Variants in SCN1A observed in about 807,000 individuals in gnomAD.
The protein encoded by SCN1A is sodium voltage-gated channel alpha subunit 1, also known as sodium channel protein type 1 subunit alpha.
In SCN1A, 13 loss-of-function variants were observed where a neutral mutation model predicts 193.7. That is an observed-to-expected ratio of 0.07 (90% confidence interval 0.04 to 0.11). The LOEUF (loss-of-function observed/expected upper bound fraction) is 0.11. Among genes scored for constraint, SCN1A ranks in the 10% least tolerant of loss-of-function variants. The pLI is 1.00. For missense variants in SCN1A, 1,432 were observed against 2,451.1 expected, an observed-to-expected ratio of 0.58 and a Z score of 8.78; for synonymous variants, 781 against 843.6, an observed-to-expected ratio of 0.93 and a Z score of 1.29.
Position 166,047,690 on chromosome 2 carries a change from A to G in SCN1A, c.1107T>C (p.Ser369=), listed in dbSNP as rs760220733. 3 of 1,613,738 alleles carry G rather than the reference A, an allele frequency of 1.9e-6. No individual in the cohort carries two copies. Among genetic ancestry groups the G allele is most frequent in the South Asian group, 1.1e-5 (1 of 91,074 alleles). Reference sequence around the variant, plus strand: ...GTCGAAACAAGGACAAAAAAGCCCAACTGAAGGTATCAAAGCTTGTGTAGC... The same window carrying G: ...GTCGAAACAAGGACAAAAAAGCCCAGCTGAAGGTATCAAAGCTTGTGTAGC... The part of the protein sequence containing the change: ...NYGYTSFDTF[S]WAFLSLFRLM... Residue 369 remains serine (S), a synonymous_variant, in exon 11 of 29, where the codon AGT becomes AGC. Coordinates refer to ENST00000674923, the MANE Select transcript of SCN1A (RefSeq NM_001165963.4).
Position 165,992,059 on chromosome 2 carries a change from G to T in SCN1A, c.5216C>A (p.Pro1739His). 1 of 1,613,946 alleles carries T rather than the reference G, an allele frequency of 6.2e-7. No individual in the cohort carries two copies. The highest frequency in any genetic ancestry group is 8.5e-7 in the Non-Finnish European group (1 of 1,179,952). The change falls in exon 29 of 29, where the codon CCC becomes CAC. Residue 1739 changes from proline (P) to histidine (H), a missense_variant. Pro to His is a moderately conservative substitution (Grantham distance 77). Around this residue, in one of 18 missense-constraint regions of SCN1A, gnomAD observed 85 missense variants for 213.2 expected, o/e 0.40. Coordinates refer to ENST00000674923, the MANE Select transcript of SCN1A (RefSeq NM_001165963.4). The surrounding 1 kb of genome is among the most constrained non-coding windows in gnomAD (Gnocchi z 6.5). ...LLAPILNSKP[P>H]DCDPNKVNPG... ...GTTAACTTTATTAGGGTCACAGTCGGGTGGCTTACTGTTGAGAATGGGTGC... is the reference window on the plus strand; with the variant it reads ...GTTAACTTTATTAGGGTCACAGTCGTGTGGCTTACTGTTGAGAATGGGTGC...
At chr2:166,000,479 G>A (rs1690674917) in intron 24 of SCN1A, among the ~76,000 whole-genome samples, 1 of 151,710 alleles carries the variant, frequency 6.6e-6, no homozygotes, top group Admixed American at 6.6e-5. Flanking sequence ...ACAACTTACA[G>A]TAATTTGTTA....
Position 165,987,207 on chromosome 2 carries a change from C to G in SCN1A, c.*4038G>C, listed in dbSNP as rs1001663892. The G allele has an allele frequency of 6.6e-6, 1 of 152,036 alleles. No homozygotes were observed. The highest frequency in any genetic ancestry group is 6.6e-5 in the Admixed American group (1 of 15,250). The allele number at this position is 152,036 out of a possible 1,614,324, so 9.4% of individuals were successfully genotyped here. On this transcript the variant is annotated 3_prime_UTR_variant, in exon 29 of 29. Transcript: ENST00000674923. ...TTAGATTCTGGTTTTAAAATTTTGA[C>G]TGTGTACCAAGAAGTAATGTGGCCC... is the stretch of plus-strand genomic sequence containing the variant.
intron 4 of SCN1A, among the ~76,000 whole-genome samples, chr2:166,070,494 A>T (rs1684301346): frequency 6.6e-6 from 1 of 152,212 alleles, no homozygotes; most frequent in African/African-American, 2.4e-5. Flanking sequence ...AGAACAGAAG[A>T]TGTTAAGAGC....
At chr2:166,081,118 T>TACTTGAGGTATA (rs1451567731) in intron 2 of SCN1A, among the ~76,000 whole-genome samples, 4 of 151,960 alleles carry the variant, frequency 2.6e-5, no homozygotes, top group Non-Finnish European at 2.9e-5. Flanking sequence ...AAGATGTTTA[T>TACTTGAGGTATA]ACTTGAGGTG....
chr2:165,994,633 AAAG>A lies in SCN1A; in HGVS notation c.4582-220_4582-218del, dbSNP rs561540608. Among the ~76,000 whole-genome samples the A allele has an allele frequency of 3.6e-3, 528 of 147,052 alleles. 4 individuals carry two copies. Among genetic ancestry groups the A allele is most frequent in the Middle Eastern group, 0.017 (5 of 290 alleles). On this transcript the variant is annotated intron_variant, in intron 27 of 28. Transcript: ENST00000674923. ...TTCTCAGAATAACAATCCCTTATCCAAAGAAGGTTTCTGATAAAAACAAACAAA... is the reference window on the plus strand; with the variant it reads ...TTCTCAGAATAACAATCCCTTATCCAAAGGTTTCTGATAAAAACAAACAAA...
At chr2:166,003,877 T>TG (rs1218477899) in intron 23 of SCN1A, among the ~76,000 whole-genome samples, 852 of 3,878 alleles carry the variant, frequency 0.22, 6 homozygotes, top group Middle Eastern at 0.5. Context: ...ACTGCCTGTC[T>TG]GAAAAAAAAA....
At chr2:166,116,403 A>C (rs748490406) in intron 2 of SCN1A, among the ~76,000 whole-genome samples, 2 of 152,200 alleles carry the variant, frequency 1.3e-5, no homozygotes, top group Non-Finnish European at 2.9e-5. Flanking sequence ...TACTGAACTA[A>C]ACTGATATGT....
chr2:166,003,407 A>G (rs573270439), intron 23 of SCN1A, among the ~76,000 whole-genome samples: 59 of 151,778 alleles, frequency 3.9e-4, no homozygotes, highest in African/African-American at 1.3e-3. Flanking sequence ...CAAAAAACTT[A>G]TTTCAAATGA....
upstream of SCN1A, among the ~76,000 whole-genome samples, chr2:166,132,587 AG>A (rs966349272): frequency 9.8e-5 from 15 of 152,336 alleles, no homozygotes; most frequent in African/African-American, 3.1e-4. Flanking sequence ...ATTTGCTATT[AG>A]ACAAATAAAT....
At chr2:166,073,073 C>G (rs1302719846) in intron 4 of SCN1A, among the ~76,000 whole-genome samples, 2 of 152,064 alleles carry the variant, frequency 1.3e-5, no homozygotes, top group Admixed American at 6.6e-5. Context: ...CTCTTAACCT[C>G]GTGATCTGCC....
At chr2:166,080,758 C>T (rs1685433032) in intron 2 of SCN1A, among the ~76,000 whole-genome samples, 1 of 151,446 alleles carries the variant, frequency 6.6e-6, no homozygotes, top group African/African-American at 2.4e-5. Context: ...ATAACATGAC[C>T]AATATCAAAT....
intron 2 of SCN1A, among the ~76,000 whole-genome samples, chr2:166,119,309 T>C (rs375271543): frequency 7.2e-5 from 11 of 152,320 alleles, no homozygotes; most frequent in Admixed American, 2.0e-4. Context: ...CAGCATTCCC[T>C]AATAATTACC....
chr2:166,001,022 G>A (rs112867176), intron 24 of SCN1A, among the ~76,000 whole-genome samples: 97 of 151,746 alleles, frequency 6.4e-4, no homozygotes, highest in African/African-American at 2.3e-3. Flanking sequence ...CAAATTTATG[G>A]AGGAGGTGGT....
At chr2:166,033,716 T>C (rs776219893) in intron 19 of SCN1A, among the ~76,000 whole-genome samples, 1 of 152,176 alleles carries the variant, frequency 6.6e-6, no homozygotes, top group Non-Finnish European at 1.5e-5. Flanking sequence ...AGTTGCTTTA[T>C]AAAAAGGTTA....
chr2:166,057,038 A>G (rs1202665363), intron 5 of SCN1A, among the ~76,000 whole-genome samples: 2 of 152,108 alleles, frequency 1.3e-5, no homozygotes, highest in Non-Finnish European at 2.9e-5. Flanking sequence ...CTGAGTTTAT[A>G]CAAGTGCAGC....
At chr2:166,023,332 T>C (rs568736974) in intron 19 of SCN1A, among the ~76,000 whole-genome samples, 1 of 152,326 alleles carries the variant, frequency 6.6e-6, no homozygotes, top group Admixed American at 6.5e-5. Context: ...TTCACCCTTC[T>C]CCTGGCCCAG....
intron 15 of SCN1A, 24 bp from the exon 16 acceptor site, chr2:166,041,493 A>AAG: frequency 7.1e-7 from 1 of 1,401,806 alleles, no homozygotes. Context: ...AAAAAAAAAA[A>AAG]GAACCACCAA....
intron 1 of SCN1A, among the ~76,000 whole-genome samples, chr2:166,142,340 T>C (rs146369136): frequency 9.2e-4 from 140 of 152,360 alleles, no homozygotes; most frequent in Middle Eastern, 6.8e-3. Flanking sequence ...GTTGTGTCTT[T>C]ATAATTGGGT....
Sources: allele counts gnomAD v4.1 joint callset (sites outside exome capture counted in the v4.1 genomes callset), GRCh38; gene constraint gnomAD v4.1.1; regional missense constraint gnomAD v4.1.1; non-coding constraint Gnocchi (gnomAD v3.1); transcripts MANE v1.5; gene names NCBI Gene and HGNC (gene_info 2026-07-23, HGNC 2026-07-21).